The following SMAP1 variants were observed in gnomAD, a reference collection of about 807,000 sequenced individuals.
SMAP1 encodes small ArfGAP 1.
SMAP1 carries 24 observed loss-of-function variants against 58.5 expected under a neutral mutation model. The observed-to-expected ratio is 0.41, with a 90% CI of 0.30 to 0.58. The LOEUF is 0.58. Among genes scored for constraint, SMAP1 ranks in the 20% least tolerant of loss-of-function variants. The probability of loss-of-function intolerance (pLI) is 0.29; values close to 1 mark genes in which losing one functional copy is unlikely to be tolerated. For missense variants in SMAP1, 563 were observed against 566.3 expected, an observed-to-expected ratio of 0.99 and a Z score of 0.06; for synonymous variants, 216 against 196.6, an observed-to-expected ratio of 1.10 and a Z score of -0.82.
intron 6 of SMAP1, among the ~76,000 whole-genome samples, chr6:70,811,760 G>A (rs1769398333): frequency 6.6e-6 from 1 of 152,154 alleles, no homozygotes; most frequent in South Asian, 2.1e-4. Context: ...GTAGTACCCT[G>A]TCATGGCAAA....
At chr6:70,696,126 C>CT (rs1767393473) in intron 1 of SMAP1, among the ~76,000 whole-genome samples, 2 of 151,898 alleles carry the variant, frequency 1.3e-5, no homozygotes, top group Non-Finnish European at 1.5e-5. Flanking sequence ...GTAATGTCTC[C>CT]TTTTTCATCT....
intron 5 of SMAP1, among the ~76,000 whole-genome samples, 197 bp from the exon 6 acceptor site, chr6:70,798,442 GTCTTAATTTTTTAACAGA>G (rs1768699778): frequency 6.6e-6 from 1 of 151,808 alleles, no homozygotes; most frequent in Admixed American, 6.6e-5. Context: ...CTGTGCCTCT[GTCTTAATTTTTTAACAGA>G]TATTCTTTAG....
rs996934916 is a variant in SMAP1 at position 70,753,394 on chromosome 6, T to C, written c.253-1586T>C. Among the ~76,000 whole-genome samples, 4 of 152,210 alleles carry C rather than the reference T, an allele frequency of 2.6e-5. No homozygotes were observed. In the East Asian group the frequency reaches 7.7e-4, roughly 29 times the overall value. On this transcript the variant is annotated intron_variant, in intron 2 of 10. Transcript: ENST00000370455. Reference sequence around the variant, plus strand: ...TGTATCTGAATTACTTTTTGCTTCATTGCAGACTAAGGCATTTTTACTTGG... The same window carrying C: ...TGTATCTGAATTACTTTTTGCTTCACTGCAGACTAAGGCATTTTTACTTGG...
chr6:70,858,860 G>T (rs1471778609), intron 10 of SMAP1: 4 of 153,038 alleles, frequency 2.6e-5, no homozygotes, highest in African/African-American at 9.7e-5. Context: ...TTCCCATAAG[G>T]TGTGAACCAG....
chr6:70,857,227 C>CTTTATTT lies in SMAP1; in HGVS notation c.961+198_961+204dup, dbSNP rs1771465075. 16 of 441,298 alleles carry CTTTATTT rather than the reference C, an allele frequency of 3.6e-5. No homozygotes were observed. In the South Asian group the frequency reaches 1.0e-3, roughly 28 times the overall value. 27.3% of individuals were successfully genotyped at this position (441,298 alleles called of 1,614,324 possible). ...AGAGGCATGTACAGGATTCACAGAA[C>CTTTATTT]TTTATTTGGAATTAACAAGCTGTTC... On this transcript the variant is annotated intron_variant, in intron 9 of 10. Coordinates refer to ENST00000370455, the MANE Select transcript of SMAP1 (RefSeq NM_001044305.3).
chr6:70,705,384 T>C (rs961528172), intron 1 of SMAP1, among the ~76,000 whole-genome samples: 2 of 151,968 alleles, frequency 1.3e-5, no homozygotes, highest in African/African-American at 2.4e-5. Context: ...CCCAAGTAGT[T>C]GGGATTACAG....
rs893245842 is a variant in SMAP1 at position 70,694,224 on chromosome 6, T to A, written c.118+26083T>A. The A allele has an allele frequency of 4.4e-4, 119 of 267,560 alleles. 1 individual carries two copies. Among genetic ancestry groups the A allele is most frequent in the Non-Finnish European group, 1.2e-4 (17 of 136,564 alleles). The allele number at this position is 267,560 out of a possible 1,614,324, so 16.6% of individuals were successfully genotyped here. A position where few individuals can be genotyped will look rare whatever the true frequency, so the allele number is the denominator to read the frequency against. On this transcript the variant is annotated intron_variant, in intron 1 of 10. Transcript: ENST00000370455. ...CTGATGGATAAGGCATCTCAAGAGATTTATGTTAATGATACACTCCACTGG... is the reference window on the plus strand; with the variant it reads ...CTGATGGATAAGGCATCTCAAGAGAATTATGTTAATGATACACTCCACTGG...
chr6:70,748,637 C>G (rs1024583046), intron 2 of SMAP1, among the ~76,000 whole-genome samples: 1 of 151,788 alleles, frequency 6.6e-6, no homozygotes, highest in African/African-American at 2.4e-5. Flanking sequence ...GCTTGGATAC[C>G]CTACTGAAGC....
chr6:70,728,521 A>G (rs891728641), intron 1 of SMAP1, among the ~76,000 whole-genome samples: 6 of 152,230 alleles, frequency 3.9e-5, no homozygotes, highest in Non-Finnish European at 7.3e-5. Flanking sequence ...CATCAGATCT[A>G]GCAGATTTTT....
intron 5 of SMAP1, among the ~76,000 whole-genome samples, chr6:70,794,736 C>CTT (rs1466674785): frequency 6.6e-6 from 1 of 151,028 alleles, no homozygotes; most frequent in Non-Finnish European, 1.5e-5. Flanking sequence ...CGAACTCTTC[C>CTT]TTTTTTATGG....
At chr6:70,777,878 G>A (rs1191563207) in intron 4 of SMAP1, among the ~76,000 whole-genome samples, 5 of 151,562 alleles carry the variant, frequency 3.3e-5, no homozygotes, top group Admixed American at 6.6e-5. Context: ...TCAGTCTCCC[G>A]AGTAGCTGGC....
intron 1 of SMAP1, among the ~76,000 whole-genome samples, chr6:70,679,908 A>G (rs1231503561): frequency 2.0e-5 from 3 of 152,192 alleles, no homozygotes; most frequent in African/African-American, 7.2e-5. Flanking sequence ...ATGAAATGCA[A>G]GGGACCTTCC....
chr6:70,853,760 T>C (rs888114629), intron 8 of SMAP1, among the ~76,000 whole-genome samples: 44 of 152,224 alleles, frequency 2.9e-4, no homozygotes, highest in African/African-American at 1.1e-3. Context: ...TACTGTTATT[T>C]CAATTAAGAT....
At position 70,804,255 on chromosome 6, in the gene SMAP1, C is replaced by T. The variant is rs906465800; in HGVS notation, c.576+5518C>T. On this transcript the variant is annotated intron_variant, in intron 6 of 10. Transcript: ENST00000370455. ...CGTTATGTAATGGCTTTCTTTGTCT[C>T]TTTTGATCTTTGTTCGTTTGAAGTC... 3.3e-4 allele frequency among the ~76,000 whole-genome samples: 50 copies of T among 150,024 alleles called. 1 individual carries two copies. Among genetic ancestry groups the T allele is most frequent in the Admixed American group, 1.3e-4 (2 of 15,062 alleles).
chr6:70,729,361 C>A (rs1240953923), intron 1 of SMAP1, among the ~76,000 whole-genome samples: 1 of 151,404 alleles, frequency 6.6e-6, no homozygotes, highest in Non-Finnish European at 1.5e-5. Context: ...ATGGCATGAA[C>A]CTGGGAGGTG....
intron 1 of SMAP1, among the ~76,000 whole-genome samples, chr6:70,729,459 T>TTTGTG (rs1491434129): frequency 7.8e-6 from 1 of 128,164 alleles, no homozygotes; most frequent in Non-Finnish European, 1.6e-5. Context: ...AAAAAGAAGG[T>TTTGTG]TGTGTGTGTG....
At chr6:70,759,077 C>G (rs1183346653) in intron 3 of SMAP1, among the ~76,000 whole-genome samples, 1 of 151,980 alleles carries the variant, frequency 6.6e-6, no homozygotes, top group African/African-American at 2.4e-5. Flanking sequence ...TTATGTTTAC[C>G]TAGGGCAGCA....
At chr6:70,858,988 G>A (rs770525667) in intron 10 of SMAP1, 8 of 174,898 alleles carry the variant, frequency 4.6e-5, no homozygotes, top group Non-Finnish European at 8.5e-5. Flanking sequence ...GGCTCTTAGA[G>A]AGGTTCATGC....
At chr6:70,786,183 C>T (rs917581956) in intron 4 of SMAP1, among the ~76,000 whole-genome samples, 1 of 150,886 alleles carries the variant, frequency 6.6e-6, no homozygotes, top group Non-Finnish European at 1.5e-5. Flanking sequence ...AGCATATAAA[C>T]AGAACCAAAG....
Sources: allele counts gnomAD v4.1 joint callset (sites outside exome capture counted in the v4.1 genomes callset), GRCh38; gene constraint gnomAD v4.1.1; transcripts MANE v1.5; gene names NCBI Gene and HGNC (gene_info 2026-07-23, HGNC 2026-07-21).